IRAK1BP1: variants seen among roughly 807,000 people sequenced by gnomAD.
The protein encoded by IRAK1BP1 is interleukin 1 receptor associated kinase 1 binding protein 1, also known as interleukin-1 receptor-associated kinase 1-binding protein 1.
IRAK1BP1 carries 24 observed loss-of-function variants against 28.0 expected under a neutral mutation model. That is an observed-to-expected ratio of 0.86 (90% CI 0.62 to 1.20). The LOEUF (loss-of-function observed/expected upper bound fraction) is 1.20. Ranked by LOEUF, IRAK1BP1 falls within the 50% of genes most tolerant of loss-of-function variation. The probability of loss-of-function intolerance (pLI) is 0.00; values close to 1 mark genes in which losing one functional copy is unlikely to be tolerated. For synonymous variants in IRAK1BP1, 131 were observed against 116.3 expected (o/e 1.13, Z -0.81); for missense variants, 336 against 316.7 (o/e 1.06, Z -0.46).
chr6:78,950,930 C>G (rs75150311), downstream of IRAK1BP1, among the ~76,000 whole-genome samples: 383 of 152,048 alleles, frequency 2.5e-3, 8 homozygotes, highest in East Asian at 0.064. Flanking sequence ...GAGTGAGCTT[C>G]GATTATTGAT....
intron 4 of IRAK1BP1, chr6:78,935,399 A>C (rs1773236856): frequency 1.7e-6 from 1 of 604,632 alleles, no homozygotes; most frequent in Non-Finnish European, 2.1e-6. Context: ...AATGCATGCC[A>C]ATCTGACAAA....
intron 4 of IRAK1BP1, chr6:78,937,641 T>C (rs1397350119): frequency 6.6e-6 from 1 of 151,422 alleles, no homozygotes; most frequent in Non-Finnish European, 1.5e-5. Context: ...GTCTTTAAAT[T>C]TGTAGTGAAG....
intron 2 of IRAK1BP1, among the ~76,000 whole-genome samples, chr6:78,895,750 A>G (rs1361445402): frequency 1.3e-5 from 2 of 152,232 alleles, no homozygotes; most frequent in African/African-American, 4.8e-5. Context: ...TCAAACTGAT[A>G]AGAGGAATCC....
At chr6:78,931,617 A>G (rs1040896016) in intron 4 of IRAK1BP1, among the ~76,000 whole-genome samples, 12 of 152,196 alleles carry the variant, frequency 7.9e-5, no homozygotes, top group African/African-American at 2.2e-4. Context: ...TTATGTTTGT[A>G]CCATACTGTT....
the IRAK1BP1 span, chr6:78,958,314 C>A: frequency 2.1e-6 from 1 of 487,168 alleles, no homozygotes; most frequent in Non-Finnish European, 3.7e-6. Flanking sequence ...AGGATCAAAC[C>A]AGAGACCTTT....
At chr6:78,897,039 C>A (rs917891211) in intron 2 of IRAK1BP1, among the ~76,000 whole-genome samples, 3 of 151,562 alleles carry the variant, frequency 2.0e-5, no homozygotes, top group African/African-American at 7.3e-5. Context: ...TGCTTGAGGC[C>A]AGGAGTTTGA....
chr6:78,893,889 C>T (rs1771785874), intron 2 of IRAK1BP1, among the ~76,000 whole-genome samples: 2 of 151,640 alleles, frequency 1.3e-5, no homozygotes, highest in Non-Finnish European at 2.9e-5. Flanking sequence ...GGCGACAGAG[C>T]AAGACTCTGT....
chr6:78,893,365 A>G (rs1771754446), intron 2 of IRAK1BP1, among the ~76,000 whole-genome samples: 1 of 139,894 alleles, frequency 7.1e-6, no homozygotes, highest in South Asian at 2.4e-4. Context: ...AAGAGTTTCT[A>G]TTAATATATC....
intron 2 of IRAK1BP1, among the ~76,000 whole-genome samples, chr6:78,887,447 C>A (rs762368496): frequency 3.3e-5 from 5 of 151,988 alleles, no homozygotes; most frequent in Non-Finnish European, 5.9e-5. Flanking sequence ...GGGCGGATCA[C>A]GAGGTCAGGA....
chr6:78,925,322 A>C (rs1407512707), intron 4 of IRAK1BP1, among the ~76,000 whole-genome samples: 4 of 152,160 alleles, frequency 2.6e-5, no homozygotes, highest in Admixed American at 1.3e-4. Flanking sequence ...AAGTATAATT[A>C]GAAAAAAATC....
At chr6:78,941,934 A>G (rs1262671812) in intron 4 of IRAK1BP1, among the ~76,000 whole-genome samples, 1 of 152,192 alleles carries the variant, frequency 6.6e-6, no homozygotes, top group African/African-American at 2.4e-5. Context: ...AACCTGAAGG[A>G]TCTGGAGATG....
chr6:78,918,241 G>A (rs1003373696), intron 4 of IRAK1BP1, among the ~76,000 whole-genome samples: 1 of 152,110 alleles, frequency 6.6e-6, no homozygotes, highest in Admixed American at 6.5e-5. Flanking sequence ...AGGCTGCAGT[G>A]AGCCATGATT....
chr6:78,873,323 G>GT (rs1182701614), intron 1 of IRAK1BP1, among the ~76,000 whole-genome samples: 2 of 144,400 alleles, frequency 1.4e-5, no homozygotes, highest in South Asian at 2.2e-4. Context: ...AATTTTCTCA[G>GT]TTTTTTATTT....
At chr6:78,971,264 G>T in the IRAK1BP1 span, among the ~76,000 whole-genome samples, 1 of 152,182 alleles carries the variant, frequency 6.6e-6, no homozygotes, top group East Asian at 1.9e-4. Flanking sequence ...ACATTGAAAT[G>T]AAAAATGTAC....
the IRAK1BP1 span, among the ~76,000 whole-genome samples, chr6:78,962,505 T>C: frequency 3.4e-5 from 5 of 146,852 alleles, no homozygotes; most frequent in Non-Finnish European, 7.4e-5. Context: ...CATCCAGCTC[T>C]TCTTACTCAT....
chr6:78,875,465 T>C (rs1451777260), intron 1 of IRAK1BP1, among the ~76,000 whole-genome samples: 1 of 151,732 alleles, frequency 6.6e-6, no homozygotes. Context: ...CAATAGCAAA[T>C]ACATGGAATC....
chr6:78,918,672 T>C (rs1335569444), intron 4 of IRAK1BP1, among the ~76,000 whole-genome samples: 2 of 150,930 alleles, frequency 1.3e-5, no homozygotes, highest in East Asian at 3.9e-4. Context: ...TAAATATGTA[T>C]GCACCCAACA....
intron 2 of IRAK1BP1, among the ~76,000 whole-genome samples, chr6:78,887,931 T>A (rs1771488653): frequency 1.3e-5 from 2 of 152,054 alleles, no homozygotes; most frequent in South Asian, 4.1e-4. Flanking sequence ...TTATTCACAA[T>A]AGCCAAGATA....
At chr6:78,931,627 T>TA (rs1289670280) in intron 4 of IRAK1BP1, among the ~76,000 whole-genome samples, 5 of 152,312 alleles carry the variant, frequency 3.3e-5, no homozygotes, top group Middle Eastern at 3.4e-3. Flanking sequence ...ACCATACTGT[T>TA]AGTCTGTTAC....
Sources: allele counts gnomAD v4.1 joint callset (sites outside exome capture counted in the v4.1 genomes callset), GRCh38; gene constraint gnomAD v4.1.1; transcripts MANE v1.5; gene names NCBI Gene and HGNC (gene_info 2026-07-23, HGNC 2026-07-21).